CARF: variants seen among roughly 807,000 people sequenced by gnomAD.
CARF encodes the protein calcium responsive transcription factor.
In CARF, 57 loss-of-function variants were observed where a neutral mutation model predicts 82.0. The observed-to-expected ratio is 0.70, with a 90% CI of 0.56 to 0.87. The LOEUF (loss-of-function observed/expected upper bound fraction) is 0.87. Ranked by LOEUF, CARF falls within the 40% of genes least tolerant of loss-of-function variation. The pLI is 0.00. For synonymous variants in CARF, 268 were observed against 290.1 expected (o/e 0.92, Z 0.77); for missense variants, 771 against 855.8 (o/e 0.90, Z 1.24).
rs1327221882 is a variant in CARF, at chr2:202,949,826, A to ACGAT, written c.307-2733_307-2732insCGAT. 1.1e-4 allele frequency among the ~76,000 whole-genome samples: 16 copies of ACGAT among 152,264 alleles called. No homozygotes were observed. In the East Asian group the frequency reaches 1.9e-3, roughly 18 times the overall value. ...TGGCCTCCCAAAGTGCTGGGATTAC[A>ACGAT]GGCGTGAGCCATCGTGCCTGGCCCA... is the stretch of plus-strand genomic sequence containing the variant. On this transcript the variant is annotated intron_variant, in intron 5 of 16. Transcript: ENST00000438828.
At chr2:202,962,802 A>G (rs1366572593) in intron 9 of CARF, 2 of 152,110 alleles carry the variant, frequency 1.3e-5, no homozygotes, top group African/African-American at 4.8e-5. Context: ...CAATTTAATC[A>G]TTGTATAATA....
rs548380857 is a variant in CARF at position 202,987,234 on chromosome 2, G to A, written c.*3610G>A. On this transcript the variant is annotated 3_prime_UTR_variant, in exon 17 of 17. Coordinates refer to ENST00000438828, the MANE Select transcript of CARF (RefSeq NM_024744.17). ...ATGTGTGTAATAAGTAATTCTCCAC[G>A]CCCACCCACCCCCAGCCCCCCGATG... 2.0e-5 allele frequency among the ~76,000 whole-genome samples: 3 copies of A among 147,192 alleles called. No individual in the cohort carries two copies. The highest frequency in any genetic ancestry group is 4.1e-4 in the East Asian group (2 of 4,902).
At chr2:202,931,521 G>A (rs532339001) in intron 3 of CARF, among the ~76,000 whole-genome samples, 22 of 152,244 alleles carry the variant, frequency 1.4e-4, no homozygotes, top group African/African-American at 3.9e-4. Flanking sequence ...CTTTGGTAGC[G>A]TCATACTTCC....
At chr2:202,964,919 A>C (rs2059487467) in intron 9 of CARF, among the ~76,000 whole-genome samples, 1 of 150,062 alleles carries the variant, frequency 6.7e-6, no homozygotes. Context: ...ACACATACAT[A>C]TATGAGAATC....
At chr2:202,943,165 G>A (rs770495241) in intron 5 of CARF, among the ~76,000 whole-genome samples, 198 bp downstream of exon 5, 21 of 152,098 alleles carry the variant, frequency 1.4e-4, no homozygotes, top group Non-Finnish European at 2.8e-4. Flanking sequence ...TCTGCCTTCC[G>A]AGTTCAAGCG....
intron 3 of CARF, among the ~76,000 whole-genome samples, chr2:202,936,130 C>T (rs576356004): frequency 6.6e-6 from 1 of 152,208 alleles, no homozygotes; most frequent in East Asian, 1.9e-4. Flanking sequence ...GTATCCAGCC[C>T]CAAAATTCCT....
intron 8 of CARF, among the ~76,000 whole-genome samples, chr2:202,960,779 TTCCC>T (rs551701178): frequency 6.8e-6 from 1 of 147,466 alleles, no homozygotes; most frequent in African/African-American, 2.5e-5. Context: ...CCTTCCCTCC[TTCCC>T]TCCCTCCCTC....
rs2075058684 is a variant in CARF, at chr2:202,942,717, GATTTT to G, written c.79-22_79-18del. On this transcript the variant is annotated intron_variant, in intron 4 of 16. Transcript: ENST00000438828. ...AAAAAAAATGGTGATAGACTGAAGT[GATTTT>G]TTTTTTCCTTACAAAAGCATCTAAT... 5 of 1,479,610 alleles carry G rather than the reference GATTTT, an allele frequency of 3.4e-6. No homozygotes were observed. The South Asian group carries it at 5.0e-5, about 15-fold the overall frequency. 91.7% of individuals were successfully genotyped at this position (1,479,610 alleles called of 1,614,324 possible).
chr2:202,926,617 T>G (rs1691875103), intron 3 of CARF, among the ~76,000 whole-genome samples: 1 of 152,198 alleles, frequency 6.6e-6, no homozygotes, highest in Non-Finnish European at 1.5e-5. Flanking sequence ...TAGGATCAGA[T>G]TCTCAATTTT....
At position 202,942,889 on chromosome 2, in the gene CARF, G is replaced by T. The variant is rs758328312; in HGVS notation, c.228G>T (p.Glu76Asp). 5 of 1,613,968 alleles carry T rather than the reference G, an allele frequency of 3.1e-6. No homozygotes were observed. In the African/African-American group the frequency reaches 6.7e-5, roughly 22 times the overall value. Residue 76 changes from glutamate to aspartate, a missense_variant, in exon 5 of 17, where the codon GAG becomes GAT. Physicochemically the swap from Glu to Asp is conservative, Grantham distance 45. Coordinates refer to ENST00000438828, the MANE Select transcript of CARF (RefSeq NM_024744.17). ...PLTQTQTLSA[E>D]QFHLVDQNGQ... is the part of the protein sequence containing the mutation. ...CTCAGACACAGACTCTTTCTGCAGA[G>T]CAATTCCATCTAGTGGACCAAAATG...
rs1040282348 is a variant in CARF at position 202,923,017 on chromosome 2, G to A, written c.-162-1280G>A. 1.2e-4 allele frequency among the ~76,000 whole-genome samples: 19 copies of A among 152,192 alleles called. 1 individual carries two copies. The highest frequency in any genetic ancestry group is 8.5e-4 in the Admixed American group (13 of 15,284). ...AGCACTTTGGGAGGCTGAGGTGGGC[G>A]GATCACCTGAGGTCAGGAGTTTGAG... On this transcript the variant is annotated intron_variant, in intron 2 of 16. Transcript: ENST00000438828.
chr2:202,956,181 T>C (rs549420993), intron 8 of CARF, among the ~76,000 whole-genome samples: 1 of 152,264 alleles, frequency 6.6e-6, no homozygotes, highest in East Asian at 1.9e-4. Flanking sequence ...ACCTACTTTG[T>C]TGACTTTCAA....
At chr2:202,945,299 T>G (rs1419810635) in intron 5 of CARF, among the ~76,000 whole-genome samples, 1 of 152,146 alleles carries the variant, frequency 6.6e-6, no homozygotes, top group Non-Finnish European at 1.5e-5. Context: ...TTGGTGTTTT[T>G]TTGTTTTATT....
At chr2:202,944,107 G>A (rs746732716) in intron 5 of CARF, among the ~76,000 whole-genome samples, 21 of 152,294 alleles carry the variant, frequency 1.4e-4, no homozygotes, top group Non-Finnish European at 2.8e-4. Flanking sequence ...GTAAATGTGT[G>A]CCACGTGAGT....
chr2:202,928,718 G>A (rs1328185835), intron 3 of CARF, among the ~76,000 whole-genome samples: 1 of 152,024 alleles, frequency 6.6e-6, no homozygotes, highest in Non-Finnish European at 1.5e-5. Context: ...GATTCTTAGA[G>A]ATTTTTTTTA....
At chr2:202,967,625 A>G (rs1196637061) in intron 10 of CARF, among the ~76,000 whole-genome samples, 1 of 152,218 alleles carries the variant, frequency 6.6e-6, no homozygotes, top group Admixed American at 6.5e-5. Flanking sequence ...TGGATGAATT[A>G]TTTAATTCAT....
At chr2:202,933,182 C>G (rs2105766978) in intron 3 of CARF, among the ~76,000 whole-genome samples, 1 of 152,194 alleles carries the variant, frequency 6.6e-6, no homozygotes, top group South Asian at 2.1e-4. Flanking sequence ...TCCCCCGACC[C>G]CTGTACAGGG....
In CARF at chr2:202,942,843, AGAAT is replaced by A. The variant is rs1251365169; in HGVS notation, c.183_186del (p.Asn62TyrfsTer5). On this transcript the variant is annotated frameshift_variant, in exon 5 of 17. Coordinates refer to ENST00000438828, the MANE Select transcript of CARF (RefSeq NM_024744.17). LOFTEE classifies it high-confidence loss of function. ...GAAGCAAATAATTCACTCATATCAC[AGAAT>A]ATACCAGGGCCCCTGACTCAGACAC... The A allele has an allele frequency of 1.2e-6, 2 of 1,614,102 alleles. No individual in the cohort carries two copies. The highest frequency in any genetic ancestry group is 1.7e-6 in the Non-Finnish European group (2 of 1,179,992).
chr2:202,955,605 TA>T, intron 7 of CARF, 68 bp from the exon 8 acceptor site: 2 of 1,107,634 alleles, frequency 1.8e-6, no homozygotes, highest in South Asian at 1.6e-5. Context: ...ACTAAGAGGA[TA>T]AAGCAGTTGA....
Sources: gnomAD v4.1 joint callset for allele counts (sites outside exome capture counted in the v4.1 genomes callset) on GRCh38, gnomAD v4.1.1 for gene constraint, MANE v1.5 for transcripts, NCBI Gene and HGNC (gene_info 2026-07-23, HGNC 2026-07-21) for gene names.